Variants in THAP12 observed in about 807,000 individuals in gnomAD.
The protein encoded by THAP12 is 52 kDa repressor of the inhibitor of the protein kinase.
A neutral mutation model predicts 63.0 loss-of-function variants in THAP12; 20 were observed. That is an observed-to-expected ratio of 0.32 (90% CI 0.22 to 0.46). The LOEUF is 0.46. Among genes scored for constraint, THAP12 ranks in the 20% least tolerant of loss-of-function variants. THAP12 has a pLI of 1.00. For synonymous variants in THAP12, 264 were observed against 328.4 expected (o/e 0.80, Z 2.12); for missense variants, 568 against 908.2 (o/e 0.63, Z 4.81).
intron 4 of THAP12, among the ~76,000 whole-genome samples, chr11:76,353,932 C>T (rs1946543851): frequency 6.6e-6 from 1 of 152,192 alleles, no homozygotes; most frequent in Admixed American, 6.5e-5. Flanking sequence ...TTGCCTGAAC[C>T]CAGGAGGCAG....
At chr11:76,355,743 C>CCTAT in intron 3 of THAP12, 89 bp from the exon 4 acceptor site, 3 of 1,044,366 alleles carry the variant, frequency 2.9e-6, no homozygotes, top group South Asian at 3.6e-5. Flanking sequence ...AATACAAATG[C>CCTAT]CTATTCTGAG....
intron 1 of THAP12, among the ~76,000 whole-genome samples, chr11:76,366,605 C>T (rs1326328433): frequency 2.6e-5 from 4 of 151,706 alleles, no homozygotes; most frequent in Non-Finnish European, 5.9e-5. Flanking sequence ...GGCGTGAACC[C>T]GGGAGGCGGA....
chr11:76,356,382 T>C (rs1946561090), intron 3 of THAP12: 1 of 152,172 alleles, frequency 6.6e-6, no homozygotes, highest in African/African-American at 2.4e-5. Flanking sequence ...AACCTGGACA[T>C]CCCCTCCTTA....
In THAP12 at chr11:76,351,200, T is replaced by C. The variant is rs367933378; in HGVS notation, c.1950A>G (p.Lys650=). 67 of 1,559,800 alleles carry C rather than the reference T, an allele frequency of 4.3e-5. No individual in the cohort carries two copies. The African/African-American group carries it at 9.0e-4, about 21-fold the overall frequency. The change falls in exon 5 of 5, where the codon AAA becomes AAG. Residue 650 remains lysine, a synonymous_variant. Coordinates refer to ENST00000260045, the MANE Select transcript of THAP12 (RefSeq NM_004705.4). ...GAAGCTCTATATCTTTCCCCCTGTG[T>C]TTCCATTTGATTCTCCAACAATGAA... The part of the protein sequence containing the change: ...AELHCWRIKW[K]HRGKDIELPS...
chr11:76,371,031 T>C (rs551746019), intron 1 of THAP12, among the ~76,000 whole-genome samples: 1 of 152,238 alleles, frequency 6.6e-6, no homozygotes, highest in East Asian at 1.9e-4. Flanking sequence ...TTGTAGACTT[T>C]TCCCTTAGCA....
chr11:76,358,383 G>C (rs1306899990), intron 3 of THAP12: 1 of 152,122 alleles, frequency 6.6e-6, no homozygotes, highest in Non-Finnish European at 1.5e-5. Context: ...CAGTCAACTA[G>C]AGTTCATTAC....
chr11:76,374,626 A>C (rs1466072487), intron 1 of THAP12, among the ~76,000 whole-genome samples: 1 of 152,248 alleles, frequency 6.6e-6, no homozygotes, highest in Non-Finnish European at 1.5e-5. Context: ...ACAACACAAA[A>C]TTTATCAAAG....
Position 76,380,857 on chromosome 11 carries a change from GC to G in THAP12, c.-22del. 7.3e-7 allele frequency: 1 copy of G among 1,361,976 alleles called. No individual in the cohort carries two copies. The highest frequency in any genetic ancestry group is 9.6e-7 in the Non-Finnish European group (1 of 1,040,202). 84.4% of individuals were successfully genotyped at this position (1,361,976 alleles called of 1,614,324 possible). ...GGCATCGTCGCCCGCCCGCCGGCCG[GC>G]CCAGCCCTCCCCTCCCCGCCTCCTC... is the stretch of plus-strand genomic sequence containing the variant. On this transcript the variant is annotated 5_prime_UTR_variant, in exon 1 of 5. Coordinates refer to ENST00000260045, the MANE Select transcript of THAP12 (RefSeq NM_004705.4).
Position 76,352,164 on chromosome 11 carries a change from G to C in THAP12, c.986C>G (p.Ala329Gly), listed in dbSNP as rs757166521. The C allele has an allele frequency of 6.2e-7, 1 of 1,611,382 alleles. No homozygotes were observed. The highest frequency in any genetic ancestry group is 1.1e-5 in the South Asian group (1 of 90,920). ...GLNMEYCRGQ[A>G]YIVSSGFSSK... ...AGAAAATCCACTAGAGACAATGTAA[G>C]CCTGGCCACGACAATACTCCATATT... The change falls in exon 5 of 5, where the codon GCT becomes GGT. Residue 329 changes from alanine to glycine, a missense_variant. Transcript: ENST00000260045.
At position 76,350,444 on chromosome 11, in the gene THAP12, C is replaced by T. The variant is rs990109404; in HGVS notation, c.*420G>A. On this transcript the variant is annotated 3_prime_UTR_variant, in exon 5 of 5. Transcript: ENST00000260045. ...ATAGATTTTTAACATACTTAAAACTCCTATTAGTCAAAGGTCAATTGTGGG... is the reference window on the plus strand; with the variant it reads ...ATAGATTTTTAACATACTTAAAACTTCTATTAGTCAAAGGTCAATTGTGGG... The T allele has an allele frequency of 1.3e-5, 2 of 153,620 alleles. No homozygotes were observed. The highest frequency in any genetic ancestry group is 4.8e-5 in the African/African-American group (2 of 41,512). The allele number at this position is 153,620 out of a possible 1,614,324, so 9.5% of individuals were successfully genotyped here.
intron 3 of THAP12, 41 bp from the exon 4 acceptor site, chr11:76,355,695 T>C (rs1230676833): frequency 6.6e-7 from 1 of 1,509,616 alleles, no homozygotes; most frequent in Non-Finnish European, 9.0e-7. Context: ...AAATCATCTT[T>C]AAAAAACTGA....
chr11:76,357,366 T>C (rs1276139163), intron 3 of THAP12: 4 of 151,026 alleles, frequency 2.6e-5, no homozygotes, highest in South Asian at 2.1e-4. Context: ...CCCAGGAAAA[T>C]AGAAATAAAC....
chr11:76,355,505 C>T, intron 4 of THAP12, 113 bp downstream of exon 4: 2 of 964,826 alleles, frequency 2.1e-6, no homozygotes, highest in Admixed American at 3.1e-5. Context: ...GAGCACACTC[C>T]TACATTCATT....
chr11:76,370,071 A>G (rs957409909), intron 1 of THAP12, among the ~76,000 whole-genome samples: 21 of 152,246 alleles, frequency 1.4e-4, no homozygotes, highest in Non-Finnish European at 2.6e-4. Flanking sequence ...GGGAGTGGGC[A>G]CAAAAGAGGC....
chr11:76,378,780 G>T (rs563671807), intron 1 of THAP12, among the ~76,000 whole-genome samples: 1 of 151,886 alleles, frequency 6.6e-6, no homozygotes, highest in Non-Finnish European at 1.5e-5. Flanking sequence ...GCTAATTTTT[G>T]TATTTTTTAA....
chr11:76,368,966 A>G lies in THAP12; in HGVS notation c.90-2994T>C, dbSNP rs540006340. Among the ~76,000 whole-genome samples, 7 of 152,364 alleles carry G rather than the reference A, an allele frequency of 4.6e-5. No homozygotes were observed. In the South Asian group the frequency reaches 1.0e-3, roughly 23 times the overall value. ...AGAAGCCATTTAAGAGTGAAATGGC[A>G]GACCACAAAATGTCAGATATTTGCA... On this transcript the variant is annotated intron_variant, in intron 1 of 4. Transcript: ENST00000260045.
chr11:76,380,459 A>T (rs1452111544), intron 1 of THAP12, among the ~76,000 whole-genome samples: 1 of 152,176 alleles, frequency 6.6e-6, no homozygotes, highest in Non-Finnish European at 1.5e-5. Context: ...CCACGGCGAG[A>T]ACCCACAGCA....
intron 1 of THAP12, among the ~76,000 whole-genome samples, chr11:76,368,154 C>A (rs1295872680): frequency 1.3e-5 from 2 of 152,174 alleles, no homozygotes; most frequent in Non-Finnish European, 2.9e-5. Context: ...GTTGAAACAG[C>A]TTTCTGATAT....
intron 1 of THAP12, among the ~76,000 whole-genome samples, chr11:76,375,690 G>C (rs1411721029): frequency 7.5e-6 from 1 of 133,302 alleles, no homozygotes; most frequent in East Asian, 2.3e-4. Context: ...TTGAAGACTA[G>C]ACTGGCAATG....
Sources: allele counts gnomAD v4.1 joint callset (sites outside exome capture counted in the v4.1 genomes callset), GRCh38; gene constraint gnomAD v4.1.1; transcripts MANE v1.5; gene names NCBI Gene and HGNC (gene_info 2026-07-23, HGNC 2026-07-21).